Variants in SLC30A8 observed in about 807,000 individuals in gnomAD.
SLC30A8 encodes proton-coupled zinc antiporter SLC30A8.
A neutral mutation model predicts 36.9 loss-of-function variants in SLC30A8; 27 were observed. The ratio of observed to expected loss-of-function variants is 0.73; its 90% CI spans 0.54 to 1.01. The LOEUF (loss-of-function observed/expected upper bound fraction) is 1.01, where lower values mean the gene tolerates loss of function less well. Ranked by LOEUF, SLC30A8 falls within the 50% of genes least tolerant of loss-of-function variation. The pLI is 0.00. For missense variants in SLC30A8, 439 were observed against 452.0 expected (o/e 0.97, Z 0.26); for synonymous variants, 164 against 172.4 (o/e 0.95, Z 0.38).
chr8:117,149,341 A>G (rs776918690), intron 2 of SLC30A8, among the ~76,000 whole-genome samples: 1 of 152,206 alleles, frequency 6.6e-6, no homozygotes, highest in African/African-American at 2.4e-5. Flanking sequence ...GCATTATGAT[A>G]GTAGCTATTA....
chr8:117,030,140 G>C (rs2130738118), intron 1 of SLC30A8, among the ~76,000 whole-genome samples: 1 of 152,088 alleles, frequency 6.6e-6, no homozygotes, highest in South Asian at 2.1e-4. Flanking sequence ...TCGTTCATGG[G>C]TATATCAGGG....
chr8:117,002,591 T>C (rs926397952), intron 1 of SLC30A8, among the ~76,000 whole-genome samples: 8 of 152,114 alleles, frequency 5.3e-5, no homozygotes, highest in Non-Finnish European at 1.5e-5. Context: ...AAGATGGTTT[T>C]TTTGTTTGTT....
At chr8:116,952,739 G>T (rs914289989) in intron 1 of SLC30A8, among the ~76,000 whole-genome samples, 3 of 152,148 alleles carry the variant, frequency 2.0e-5, no homozygotes, top group Admixed American at 6.5e-5. Context: ...TGACAGGCAT[G>T]AGCCACCGGG....
chr8:116,994,288 A>G (rs932987171), intron 1 of SLC30A8, among the ~76,000 whole-genome samples: 15 of 152,082 alleles, frequency 9.9e-5, no homozygotes, highest in Non-Finnish European at 1.9e-4. Context: ...CTGTGACTAC[A>G]TTTTGCTACT....
intron 1 of SLC30A8, among the ~76,000 whole-genome samples, chr8:117,011,963 C>T (rs979010730): frequency 6.6e-6 from 1 of 152,108 alleles, no homozygotes; most frequent in African/African-American, 2.4e-5. Flanking sequence ...GTAAGTTTTA[C>T]TCTTTGTAAC....
upstream of SLC30A8, among the ~76,000 whole-genome samples, chr8:117,133,916 A>C (rs931183628): frequency 3.3e-5 from 5 of 152,110 alleles, no homozygotes; most frequent in South Asian, 1.0e-3. Flanking sequence ...GAGCAAAGTT[A>C]AGGATCAGTA....
chr8:116,968,477 CAG>C (rs1169280748), intron 1 of SLC30A8, among the ~76,000 whole-genome samples: 1 of 151,510 alleles, frequency 6.6e-6, no homozygotes, highest in African/African-American at 2.4e-5. Context: ...TTATTCATGG[CAG>C]AGACAGAGAG....
At chr8:117,159,213 A>G (rs1000395797) in intron 4 of SLC30A8, among the ~76,000 whole-genome samples, 5 of 152,248 alleles carry the variant, frequency 3.3e-5, no homozygotes, top group African/African-American at 9.6e-5. Flanking sequence ...CTGCTAAAGC[A>G]TCATGGTTAT....
At chr8:116,981,804 A>G (rs1188148104) in intron 1 of SLC30A8, among the ~76,000 whole-genome samples, 1 of 152,102 alleles carries the variant, frequency 6.6e-6, no homozygotes, top group Admixed American at 6.6e-5. Context: ...CATATTTTAA[A>G]TCCAGTCTAT....
chr8:117,026,647 A>G (rs942443417), intron 1 of SLC30A8, among the ~76,000 whole-genome samples: 2 of 152,164 alleles, frequency 1.3e-5, no homozygotes, highest in East Asian at 3.9e-4. Flanking sequence ...CACCCTTCCT[A>G]AATGTACACT....
intron 2 of SLC30A8, among the ~76,000 whole-genome samples, chr8:117,080,662 G>T (rs1414347827): frequency 2.6e-5 from 4 of 152,174 alleles, no homozygotes; most frequent in East Asian, 1.9e-4. Context: ...CAAAGAACAT[G>T]ATTTCATTCT....
At chr8:117,097,273 C>A (rs1187465614) in intron 2 of SLC30A8, among the ~76,000 whole-genome samples, 2 of 148,014 alleles carry the variant, frequency 1.4e-5, no homozygotes, top group Admixed American at 6.9e-5. Context: ...GTGGCAGGCG[C>A]CTGTAGTCCC....
intron 2 of SLC30A8, among the ~76,000 whole-genome samples, chr8:117,091,591 C>A (rs895260273): frequency 6.6e-6 from 1 of 152,022 alleles, no homozygotes; most frequent in African/African-American, 2.4e-5. Context: ...ACCCTGTGGA[C>A]CCCACAGAGC....
At chr8:117,052,464 G>A (rs1181289795) in intron 2 of SLC30A8, among the ~76,000 whole-genome samples, 2 of 152,180 alleles carry the variant, frequency 1.3e-5, no homozygotes, top group African/African-American at 2.4e-5. Context: ...TTTTGTATCA[G>A]CACAATACAT....
intron 1 of SLC30A8, among the ~76,000 whole-genome samples, chr8:117,022,685 A>T (rs976336939): frequency 1.3e-5 from 2 of 152,212 alleles, no homozygotes; most frequent in South Asian, 2.1e-4. Context: ...TGTAGAAAGC[A>T]GAAACTGGAT....
intron 1 of SLC30A8, among the ~76,000 whole-genome samples, chr8:117,034,685 GTAAC>G (rs1392184359): frequency 1.3e-5 from 2 of 152,166 alleles, no homozygotes. Flanking sequence ...TTACCAGAGA[GTAAC>G]TGAGTGTATT....
chr8:117,060,261 G>A (rs917251651), intron 2 of SLC30A8, among the ~76,000 whole-genome samples: 1 of 152,088 alleles, frequency 6.6e-6, no homozygotes, highest in Non-Finnish European at 1.5e-5. Context: ...CAGAATAGGG[G>A]TCTGCACAGA....
In SLC30A8 at chr8:117,010,696, C is replaced by T. The variant is rs191641244; in HGVS notation, c.-265-28523C>T. On this transcript the variant is annotated intron_variant, in intron 1 of 10. Coordinates refer to the SLC30A8 transcript ENST00000427715. ...ACAAAGAAAAGAGGGTTCATTGGCT[C>T]ACATTTCTGTGGGTTGTAAAGGAAG... Among the ~76,000 whole-genome samples, 280 of 152,268 alleles carry T rather than the reference C, an allele frequency of 1.8e-3. 1 individual carries two copies. The highest frequency in any genetic ancestry group is 3.2e-3 in the Non-Finnish European group (220 of 68,030).
At chr8:117,041,723 T>C (rs1290604631) in intron 2 of SLC30A8, among the ~76,000 whole-genome samples, 1 of 151,928 alleles carries the variant, frequency 6.6e-6, no homozygotes, top group African/African-American at 2.4e-5. Context: ...AAAATTCTGA[T>C]GGTTGAGGGA....
Sources: allele counts gnomAD v4.1 joint callset (sites outside exome capture counted in the v4.1 genomes callset), GRCh38; gene constraint gnomAD v4.1.1; transcripts MANE v1.5; gene names NCBI Gene and HGNC (gene_info 2026-07-23, HGNC 2026-07-21).